DLG2: variants seen among roughly 807,000 people sequenced by gnomAD.
DLG2 encodes discs large MAGUK scaffold protein 2, also known as disks large homolog 2.
In DLG2, 45 loss-of-function variants were observed where a neutral mutation model predicts 132.5. That is an observed-to-expected ratio of 0.34 (90% CI 0.27 to 0.44). The LOEUF is 0.44. Among genes scored for constraint, DLG2 ranks in the 20% least tolerant of loss-of-function variants. The pLI, the probability that DLG2 is intolerant of heterozygous loss-of-function variation, is 1.00. For missense variants in DLG2, 1,045 were observed against 1,196.9 expected, an observed-to-expected ratio of 0.87 and a Z score of 1.87; for synonymous variants, 424 against 419.6, an observed-to-expected ratio of 1.01 and a Z score of -0.13.
At chr11:83,728,786 T>C (rs569416926) in intron 18 of DLG2, among the ~76,000 whole-genome samples, 1 of 152,356 alleles carries the variant, frequency 6.6e-6, no homozygotes, top group South Asian at 2.1e-4. Flanking sequence ...CTCCTTGAAA[T>C]AGGTTCAGTT....
At chr11:84,087,885 A>T (rs2097017303) in intron 10 of DLG2, among the ~76,000 whole-genome samples, 1 of 152,270 alleles carries the variant, frequency 6.6e-6, no homozygotes, top group Admixed American at 6.5e-5. Flanking sequence ...ATAGGATAAT[A>T]AATTCGCATT....
At chr11:85,050,411 G>A (rs2062783264) in intron 6 of DLG2, among the ~76,000 whole-genome samples, 1 of 151,970 alleles carries the variant, frequency 6.6e-6, no homozygotes, top group Non-Finnish European at 1.5e-5. Flanking sequence ...CCTTACCTAG[G>A]CTTTCCAAAG....
At position 84,534,580 on chromosome 11, in the gene DLG2, G is replaced by C; in HGVS notation, c.509C>G (p.Ser170Cys). Reference sequence around the variant, plus strand: ...AGCAATATAACTGACCTTCAGAGGAGAAATATGAGACTGCAAGACATATCC... The same window carrying C: ...AGCAATATAACTGACCTTCAGAGGACAAATATGAGACTGCAAGACATATCC... ...VHGYVLQSHI[S>C]PLKASPAPII... Residue 170 changes from serine (S) to cysteine (C), a missense_variant, in exon 7 of 28, where the codon TCT becomes TGT. Physicochemically the swap from Ser to Cys is moderately radical, Grantham distance 112 (BLOSUM62 -1). This residue lies in a region of DLG2 where 277 missense variants were observed against 238.2 expected (regional missense o/e 1.16). Transcript: ENST00000376104. 1 of 1,613,842 alleles carries C rather than the reference G, an allele frequency of 6.2e-7. No homozygotes were observed. Among genetic ancestry groups the C allele is most frequent in the Non-Finnish European group, 8.5e-7 (1 of 1,179,838 alleles).
chr11:84,751,909 T>C (rs980430103), intron 6 of DLG2, among the ~76,000 whole-genome samples: 3 of 152,212 alleles, frequency 2.0e-5, no homozygotes, highest in Non-Finnish European at 2.9e-5. Context: ...GTTACAAGCA[T>C]AGAGGATGCA....
intron 18 of DLG2, among the ~76,000 whole-genome samples, chr11:83,684,981 G>T (rs1406851992): frequency 6.6e-6 from 1 of 152,096 alleles, no homozygotes; most frequent in Non-Finnish European, 1.5e-5. Context: ...GAACCTTGAA[G>T]CTGTATCAAT....
chr11:83,979,699 C>A (rs2154173312), intron 12 of DLG2, among the ~76,000 whole-genome samples: 1 of 152,216 alleles, frequency 6.6e-6, no homozygotes, highest in East Asian at 1.9e-4. Flanking sequence ...GGAAGAGATC[C>A]ATTTACACAT....
chr11:85,583,124 GTGTGTGTATATATATATATA>G (rs1313981042), intron 3 of DLG2, among the ~76,000 whole-genome samples: 92 of 41,058 alleles, frequency 2.2e-3, no homozygotes, highest in African/African-American at 5.6e-3. Flanking sequence ...GTGTGTGTGT[GTGTGTGTATATATATATATA>G]TATATATATA....
chr11:85,497,958 C>G (rs1431943496), intron 3 of DLG2, among the ~76,000 whole-genome samples: 1 of 152,164 alleles, frequency 6.6e-6, no homozygotes. Flanking sequence ...ACAACTGGTA[C>G]CAGCCACTGC....
At chr11:85,020,893 G>C (rs1468091819) in intron 6 of DLG2, 2 of 767,378 alleles carry the variant, frequency 2.6e-6, no homozygotes, top group South Asian at 2.7e-5. Context: ...GCAGAGTCAT[G>C]TGCATCCCCC....
rs146788128 is a variant in DLG2, at chr11:85,312,229, T to C, written c.41-26864A>G. ...TTATTCAGTTTTGTATGAATGCATATATTTATGAACCAATAATGGATAATA... is the reference window on the plus strand; with the variant it reads ...TTATTCAGTTTTGTATGAATGCATACATTTATGAACCAATAATGGATAATA... On this transcript the variant is annotated intron_variant, in intron 3 of 27. Coordinates refer to ENST00000376104, the MANE Select transcript of DLG2 (RefSeq NM_001142699.3). 7.0e-4 allele frequency among the ~76,000 whole-genome samples: 107 copies of C among 152,038 alleles called. 3 individuals are homozygous for C. In the East Asian group the frequency reaches 0.02, roughly 28 times the overall value.
chr11:84,922,200 T>C (rs1190600773), intron 6 of DLG2, among the ~76,000 whole-genome samples: 1 of 152,126 alleles, frequency 6.6e-6, no homozygotes, highest in African/African-American at 2.4e-5. Flanking sequence ...AAGATTCCTA[T>C]TTTAGGTTGT....
intron 18 of DLG2, among the ~76,000 whole-genome samples, chr11:83,683,037 G>A (rs1490987953): frequency 6.6e-6 from 1 of 152,132 alleles, no homozygotes; most frequent in Non-Finnish European, 1.5e-5. Context: ...CAAACGAGAA[G>A]ACTGGAAATC....
intron 7 of DLG2, among the ~76,000 whole-genome samples, chr11:84,408,327 C>T (rs2098869943): frequency 7.3e-6 from 1 of 137,462 alleles, no homozygotes; most frequent in East Asian, 2.0e-4. Flanking sequence ...GAAATGACAA[C>T]TTGCACATGT....
intron 15 of DLG2, among the ~76,000 whole-genome samples, chr11:83,882,901 C>T (rs2066683771): frequency 6.6e-6 from 1 of 152,160 alleles, no homozygotes. Flanking sequence ...TTAAGTTGCA[C>T]AGCCAGAATG....
intron 6 of DLG2, among the ~76,000 whole-genome samples, chr11:84,851,871 T>C (rs1026691877): frequency 7.9e-5 from 12 of 151,872 alleles, no homozygotes; most frequent in Non-Finnish European, 1.0e-4. Flanking sequence ...TTTATTATGA[T>C]AGTTATATAC....
chr11:84,152,335 T>C (rs1407371942), intron 9 of DLG2, among the ~76,000 whole-genome samples: 1 of 149,148 alleles, frequency 6.7e-6, no homozygotes, highest in Admixed American at 6.6e-5. Context: ...AAAATCTGTT[T>C]GTTTGTTTGT....
At chr11:83,743,658 T>A (rs1432846195) in intron 18 of DLG2, among the ~76,000 whole-genome samples, 1 of 152,088 alleles carries the variant, frequency 6.6e-6, no homozygotes, top group Non-Finnish European at 1.5e-5. Flanking sequence ...GGTCTTAAAC[T>A]CCTGAGCTCA....
chr11:85,509,574 C>G (rs1395807458), intron 3 of DLG2, among the ~76,000 whole-genome samples: 1 of 152,036 alleles, frequency 6.6e-6, no homozygotes, highest in Non-Finnish European at 1.5e-5. Flanking sequence ...TTCTAGCTGT[C>G]TCAACATTTT....
intron 6 of DLG2, among the ~76,000 whole-genome samples, chr11:84,932,845 A>G (rs567692076): frequency 7.9e-5 from 12 of 152,186 alleles, no homozygotes; most frequent in Non-Finnish European, 1.3e-4. Flanking sequence ...TCTTTATAGT[A>G]GAATGATTTA....
Sources: gnomAD v4.1 joint callset for allele counts (sites outside exome capture counted in the v4.1 genomes callset) on GRCh38, gnomAD v4.1.1 for gene constraint, gnomAD v4.1.1 regional missense constraint, MANE v1.5 for transcripts, NCBI Gene and HGNC (gene_info 2026-07-23, HGNC 2026-07-21) for gene names.